Variants in PCSK2 observed in about 807,000 individuals in gnomAD.
PCSK2 encodes the protein neuroendocrine convertase 2.
In PCSK2, 14 loss-of-function variants were observed where a neutral mutation model predicts 69.7. The ratio of observed to expected loss-of-function variants is 0.20; its 90% CI spans 0.13 to 0.31. The LOEUF is 0.31. PCSK2 is among the 10% of genes least tolerant of loss of function. PCSK2 has a pLI of 1.00. For synonymous variants in PCSK2, 307 were observed against 320.7 expected (o/e 0.96, Z 0.46); for missense variants, 544 against 842.5 (o/e 0.65, Z 4.39).
intron 1 of PCSK2, among the ~76,000 whole-genome samples, chr20:17,236,341 C>G (rs1202662741): frequency 6.6e-6 from 1 of 152,000 alleles, no homozygotes; most frequent in East Asian, 1.9e-4. Flanking sequence ...ATTATTGTGT[C>G]TCATATTTAG....
At chr20:17,271,741 A>G (rs1433973575) in intron 2 of PCSK2, among the ~76,000 whole-genome samples, 1 of 152,168 alleles carries the variant, frequency 6.6e-6, no homozygotes, top group East Asian at 1.9e-4. Flanking sequence ...GAAGAAAAGT[A>G]GCAACTACCA....
At chr20:17,435,552 G>A (rs75357299) in intron 7 of PCSK2, among the ~76,000 whole-genome samples, 6 of 152,234 alleles carry the variant, frequency 3.9e-5, no homozygotes, top group Admixed American at 1.3e-4. Context: ...TGACGTGCTC[G>A]CCATGTTAGA....
chr20:17,392,446 G>A (rs2031406877), intron 5 of PCSK2, among the ~76,000 whole-genome samples: 1 of 152,158 alleles, frequency 6.6e-6, no homozygotes, highest in African/African-American at 2.4e-5. Flanking sequence ...TAGTCCAATA[G>A]CCAATTGCTA....
chr20:17,271,349 A>T (rs1987858426), intron 2 of PCSK2, among the ~76,000 whole-genome samples: 1 of 152,022 alleles, frequency 6.6e-6, no homozygotes, highest in African/African-American at 2.4e-5. Context: ...TTGGTTTAAG[A>T]TTTCCCTGGT....
rs779927538 is a variant in PCSK2 at position 17,358,458 on chromosome 20, C to T, written c.396+18C>T. On this transcript the variant is annotated intron_variant, in intron 3 of 11. Coordinates refer to ENST00000262545, the MANE Select transcript of PCSK2 (RefSeq NM_002594.5). ...GGTATCTGGTGAGTGTCTTTATGTC[C>T]TTTTGGACATTTCCCATCTTGAGAC... 11 of 1,274,316 alleles carry T rather than the reference C, an allele frequency of 8.6e-6. No homozygotes were observed. The highest frequency in any genetic ancestry group is 1.8e-4 in the Middle Eastern group (1 of 5,420). 78.9% of individuals were successfully genotyped at this position (1,274,316 alleles called of 1,614,324 possible).
At position 17,227,469 on chromosome 20, in the gene PCSK2, T is replaced by G. The variant is rs1342078364; in HGVS notation, c.164T>G (p.Phe55Cys). 1.2e-6 allele frequency: 2 copies of G among 1,613,864 alleles called. No homozygotes were observed. Among genetic ancestry groups the G allele is most frequent in the Non-Finnish European group, 1.7e-6 (2 of 1,179,842 alleles). Residue 55 changes from phenylalanine (F) to cysteine (C), a missense_variant, in exon 1 of 12, where the codon TTT becomes TGT. This residue lies in a region of PCSK2 where 157 missense variants were observed against 155.0 expected (regional missense o/e 1.01). Coordinates refer to ENST00000262545, the MANE Select transcript of PCSK2 (RefSeq NM_002594.5). ...CGCCAAGTTGCAGCAGAACACGGCT[T>G]TGGAGTCCGAAAGGTAAGCTCTCCC... Reference protein sequence around the residue: ...KARQVAAEHGFGVRKLPFAEG... With the variant: ...KARQVAAEHGCGVRKLPFAEG...
chr20:17,343,731 A>G (rs1354989666), intron 2 of PCSK2, among the ~76,000 whole-genome samples: 3 of 152,208 alleles, frequency 2.0e-5, no homozygotes, highest in Admixed American at 6.5e-5. Context: ...GGCAGAAGAG[A>G]AAGTCAAGGT....
At chr20:17,394,455 T>G (rs1382945088) in intron 5 of PCSK2, among the ~76,000 whole-genome samples, 2 of 152,128 alleles carry the variant, frequency 1.3e-5, no homozygotes, top group Non-Finnish European at 2.9e-5. Context: ...TTGAACCACT[T>G]GGAGCGAACC....
intron 2 of PCSK2, among the ~76,000 whole-genome samples, chr20:17,341,655 C>A (rs1289767075): frequency 3.9e-5 from 6 of 152,176 alleles, no homozygotes; most frequent in Admixed American, 3.9e-4. Context: ...ATGAGTTCTG[C>A]TTTTCATGGC....
chr20:17,248,175 G>T (rs958661885), intron 1 of PCSK2, among the ~76,000 whole-genome samples: 1 of 144,482 alleles, frequency 6.9e-6, no homozygotes, highest in East Asian at 2.1e-4. Flanking sequence ...TATAAAAAAG[G>T]GTGTGTGTGT....
intron 5 of PCSK2, among the ~76,000 whole-genome samples, chr20:17,406,114 C>A (rs2031744627): frequency 6.6e-6 from 1 of 152,176 alleles, no homozygotes; most frequent in South Asian, 2.1e-4. Flanking sequence ...TCACCAAACA[C>A]CACCTGCTCC....
intron 2 of PCSK2, among the ~76,000 whole-genome samples, chr20:17,280,253 T>A (rs990226594): frequency 3.9e-5 from 6 of 152,350 alleles, no homozygotes; most frequent in African/African-American, 1.4e-4. Flanking sequence ...TACACACATA[T>A]TGAATTTTTC....
chr20:17,240,533 A>G (rs1239799911), intron 1 of PCSK2, among the ~76,000 whole-genome samples: 1 of 152,106 alleles, frequency 6.6e-6, no homozygotes, highest in Non-Finnish European at 1.5e-5. Flanking sequence ...ATCTGTATGT[A>G]CTCTGTACAG....
At chr20:17,343,843 C>CA (rs913057923) in intron 2 of PCSK2, among the ~76,000 whole-genome samples, 1 of 152,024 alleles carries the variant, frequency 6.6e-6, no homozygotes, top group African/African-American at 2.4e-5. Context: ...CTGGAAAAGG[C>CA]AAAAAAAGAA....
chr20:17,298,236 A>G (rs1600463571), intron 2 of PCSK2, among the ~76,000 whole-genome samples: 1 of 152,142 alleles, frequency 6.6e-6, no homozygotes, highest in Non-Finnish European at 1.5e-5. Context: ...CTACTTTTCA[A>G]TTTTAATTGA....
chr20:17,248,776 T>A (rs1052825154), intron 1 of PCSK2, among the ~76,000 whole-genome samples: 4 of 152,294 alleles, frequency 2.6e-5, no homozygotes, highest in African/African-American at 9.6e-5. Context: ...ATGTCACCCA[T>A]CAACCTGGCT....
At chr20:17,327,477 T>G (rs946843193) in intron 2 of PCSK2, among the ~76,000 whole-genome samples, 2 of 152,134 alleles carry the variant, frequency 1.3e-5, no homozygotes, top group Non-Finnish European at 2.9e-5. Flanking sequence ...CTCCAAAGAT[T>G]TAGCAAAATG....
rs758708099 is a variant in PCSK2 at position 17,456,320 on chromosome 20, A to G, written c.1102-28A>G. On this transcript the variant is annotated intron_variant, in intron 9 of 11. Transcript: ENST00000262545. The stretch of plus-strand genomic sequence containing the variant: ...GGGTTCAAAATAGCGTGATTTATCC[A>G]CTCATTACTCATTATCTTCCCTTCC... The G allele has an allele frequency of 5.6e-6, 7 of 1,253,402 alleles. No homozygotes were observed. The East Asian group carries it at 1.2e-4, about 21-fold the overall frequency. The allele number at this position is 1,253,402 out of a possible 1,614,324, so 77.6% of individuals were successfully genotyped here. A position where few individuals can be genotyped will look rare whatever the true frequency, so the allele number is the denominator to read the frequency against.
chr20:17,284,099 C>G (rs1988426227), intron 2 of PCSK2, among the ~76,000 whole-genome samples: 1 of 152,202 alleles, frequency 6.6e-6, no homozygotes, highest in South Asian at 2.1e-4. Flanking sequence ...GCCATCTCAT[C>G]TGGTTTGGGA....
Sources: allele counts gnomAD v4.1 joint callset (sites outside exome capture counted in the v4.1 genomes callset), GRCh38; gene constraint gnomAD v4.1.1; regional missense constraint gnomAD v4.1.1; transcripts MANE v1.5; gene names NCBI Gene and HGNC (gene_info 2026-07-23, HGNC 2026-07-21).